Variants in FCHO2 observed in about 807,000 individuals in gnomAD.
FCHO2 encodes FCH and mu domain containing endocytic adaptor 2, also known as F-BAR domain only protein 2.
Under a neutral mutation model 114.1 loss-of-function variants are expected in FCHO2, and 43 were observed. The ratio of observed to expected loss-of-function variants is 0.38; its 90% confidence interval spans 0.30 to 0.49. The LOEUF is 0.49. Ranked by LOEUF, FCHO2 falls within the 20% of genes least tolerant of loss-of-function variation. FCHO2 has a pLI of 0.97. For synonymous variants in FCHO2, 293 were observed against 315.2 expected, an observed-to-expected ratio of 0.93 and a Z score of 0.75; for missense variants, 807 against 950.4, an observed-to-expected ratio of 0.85 and a Z score of 1.98.
chr5:72,997,177 G>A (rs1561433896), intron 5 of FCHO2: 11 of 1,120,160 alleles, frequency 9.8e-6, no homozygotes, highest in Middle Eastern at 2.6e-4. Context: ...GGCCTGGAAC[G>A]CCTCCTGACT....
At chr5:73,019,237 A>G (rs965295423) in intron 8 of FCHO2, among the ~76,000 whole-genome samples, 12 of 152,236 alleles carry the variant, frequency 7.9e-5, no homozygotes, top group African/African-American at 2.7e-4. Context: ...AACATTTGCC[A>G]AGTGTAAAAT....
At position 73,089,940 on chromosome 5, in the gene FCHO2, C is replaced by G. The variant is rs1230734871; in HGVS notation, c.*1850C>G. The G allele has an allele frequency of 1.3e-5, 2 of 152,524 alleles. No homozygotes were observed. The highest frequency in any genetic ancestry group is 4.8e-5 in the African/African-American group (2 of 41,450). 9.4% of individuals were successfully genotyped at this position (152,524 alleles called of 1,614,324 possible). A position where few individuals can be genotyped will look rare whatever the true frequency, so the allele number is the denominator to read the frequency against. On this transcript the variant is annotated 3_prime_UTR_variant, in exon 26 of 26. Transcript: ENST00000430046. ...GTGAGCTAAATTAGAATTTCTAACT[C>G]TTATATTGTGCTCTTTTAAATGCCA...
intron 11 of FCHO2, among the ~76,000 whole-genome samples, chr5:73,042,628 A>G (rs1725647472): frequency 6.6e-6 from 1 of 152,162 alleles, no homozygotes; most frequent in Admixed American, 6.5e-5. Flanking sequence ...AAAAATATAT[A>G]AAACTAGAAA....
At chr5:72,965,703 T>G (rs62360739) in intron 1 of FCHO2, among the ~76,000 whole-genome samples, 17,900 of 152,246 alleles carry the variant, frequency 0.12, 1,265 homozygotes, top group Non-Finnish European at 0.17. Flanking sequence ...GAAAAAAATC[T>G]TTAGGATTAG....
At chr5:72,965,220 CT>C (rs1752133106) in intron 1 of FCHO2, among the ~76,000 whole-genome samples, 2 of 152,070 alleles carry the variant, frequency 1.3e-5, no homozygotes, top group African/African-American at 4.8e-5. Context: ...AAAGGCATAC[CT>C]TAGAGATATT....
At chr5:73,002,766 T>A (rs1754514204) in intron 5 of FCHO2, among the ~76,000 whole-genome samples, 1 of 152,198 alleles carries the variant, frequency 6.6e-6, no homozygotes, top group African/African-American at 2.4e-5. Flanking sequence ...AAATACATGT[T>A]ATTGTTTCTG....
intron 22 of FCHO2, among the ~76,000 whole-genome samples, chr5:73,079,063 G>T (rs78458274): frequency 2.6e-5 from 4 of 152,072 alleles, no homozygotes; most frequent in East Asian, 1.9e-4. Context: ...TCATTTTCAC[G>T]TTTCTCTAGA....
intron 19 of FCHO2, among the ~76,000 whole-genome samples, chr5:73,069,447 A>G (rs1742524851): frequency 6.6e-6 from 1 of 152,050 alleles, no homozygotes; most frequent in African/African-American, 2.4e-5. Context: ...AGTCAGTCCC[A>G]TCTGGGGGTG....
In FCHO2 at chr5:73,052,332, A is replaced by T; in HGVS notation, c.998A>T (p.Asp333Val). ...YSIKPETNQN[D>V]TKENHFYSSS... is the part of the protein sequence containing the mutation. Reference sequence around the variant, plus strand: ...AAACAATTCTTTAACTGAAACTCACATACCAAAGAGAACCATTTCTACTCA... The same window carrying T: ...AAACAATTCTTTAACTGAAACTCACTTACCAAAGAGAACCATTTCTACTCA... The change falls in exon 13 of 26, where the codon GAT becomes GTT. Residue 333 changes from aspartate (D) to valine (V), a missense_variant and splice_region_variant. Coordinates refer to ENST00000430046, the MANE Select transcript of FCHO2 (RefSeq NM_138782.3). 7 of 1,602,704 alleles carry T rather than the reference A, an allele frequency of 4.4e-6. No homozygotes were observed. The highest frequency in any genetic ancestry group is 5.1e-6 in the Non-Finnish European group (6 of 1,175,220).
chr5:72,962,745 T>C (rs1751937870), intron 1 of FCHO2, among the ~76,000 whole-genome samples: 1 of 151,854 alleles, frequency 6.6e-6, no homozygotes, highest in South Asian at 2.1e-4. Context: ...ATACAAAAAT[T>C]AGCTGGGCGT....
In FCHO2 at chr5:72,956,049, A is replaced by C; in HGVS notation, c.-48A>C. The C allele has an allele frequency of 6.5e-7, 1 of 1,537,918 alleles. No homozygotes were observed. On this transcript the variant is annotated 5_prime_UTR_variant, in exon 1 of 26. Transcript: ENST00000430046. ...GCTGTGGGGGCCGGGCCGTGTTTAC[A>C]CAGCGGCGGGCGGGCGCGGACGCGG...
chr5:73,046,292 C>T (rs1757052811), intron 11 of FCHO2, among the ~76,000 whole-genome samples: 1 of 152,140 alleles, frequency 6.6e-6, no homozygotes, highest in African/African-American at 2.4e-5. Flanking sequence ...GTCTTGAACT[C>T]TCGGCCTCAA....
intron 11 of FCHO2, among the ~76,000 whole-genome samples, chr5:73,050,350 C>T (rs1208102864): frequency 6.9e-6 from 1 of 145,488 alleles, no homozygotes. Flanking sequence ...TGACAGAGCT[C>T]GCTCTTTTGC....
chr5:73,055,985 T>C, intron 15 of FCHO2, 80 bp from the exon 16 acceptor site: 1 of 911,158 alleles, frequency 1.1e-6, no homozygotes, highest in South Asian at 1.7e-5. Flanking sequence ...TGTTGAGATA[T>C]GTGTATAGAG....
chr5:72,985,458 G>A (rs907850068), intron 2 of FCHO2, among the ~76,000 whole-genome samples: 7 of 152,046 alleles, frequency 4.6e-5, no homozygotes, highest in Non-Finnish European at 1.0e-4. Context: ...CACCACGCCC[G>A]CCTCTATTCA....
intron 17 of FCHO2, among the ~76,000 whole-genome samples, chr5:73,062,952 C>G (rs1757917777): frequency 6.6e-6 from 1 of 152,034 alleles, no homozygotes; most frequent in Admixed American, 6.6e-5. Flanking sequence ...TTATATTTTT[C>G]AGTCTCTGAA....
At chr5:73,069,356 A>G (rs1475475867) in intron 19 of FCHO2, among the ~76,000 whole-genome samples, 2 of 152,092 alleles carry the variant, frequency 1.3e-5, no homozygotes, top group South Asian at 4.1e-4. Flanking sequence ...TTATTATTAC[A>G]TTGTAATATA....
At chr5:73,012,617 CAAAAA>C (rs11358269) in intron 6 of FCHO2, among the ~76,000 whole-genome samples, 1 of 92,504 alleles carries the variant, frequency 1.1e-5, no homozygotes, top group Admixed American at 1.2e-4. Context: ...GACTCCGTCT[CAAAAA>C]AAAAAAAAAA....
At chr5:73,087,816 T>TA in intron 25 of FCHO2, 63 bp downstream of exon 25, 1 of 1,514,484 alleles carries the variant, frequency 6.6e-7, no homozygotes, top group Non-Finnish European at 8.8e-7. Context: ...TAACAGTTAT[T>TA]AAAAAACTGT....
Sources: allele counts gnomAD v4.1 joint callset (sites outside exome capture counted in the v4.1 genomes callset), GRCh38; gene constraint gnomAD v4.1.1; transcripts MANE v1.5; gene names NCBI Gene and HGNC (gene_info 2026-07-23, HGNC 2026-07-21).